Variants in CATSPERB observed in about 807,000 individuals in gnomAD.
The protein encoded by CATSPERB is catsper channel auxiliary subunit beta.
CATSPERB carries 93 observed loss-of-function variants against 128.3 expected under a neutral mutation model. The observed-to-expected ratio is 0.72, with a 90% CI of 0.61 to 0.86. The LOEUF is 0.86. Among genes scored for constraint, CATSPERB ranks in the 40% least tolerant of loss-of-function variants. The pLI, the probability that CATSPERB is intolerant of heterozygous loss-of-function variation, is 0.00. For synonymous variants in CATSPERB, 381 were observed against 448.8 expected (o/e 0.85, Z 1.91); for missense variants, 1,153 against 1,329.5 (o/e 0.87, Z 2.06).
intron 5 of CATSPERB, chr14:91,709,221 A>G (rs1208177578): frequency 6.6e-6 from 1 of 152,190 alleles, no homozygotes; most frequent in African/African-American, 2.4e-5. Context: ...TTTGGGAGAG[A>G]TAATGGCTAC....
chr14:91,590,739 C>T (rs1051121461), intron 23 of CATSPERB, among the ~76,000 whole-genome samples: 1 of 151,834 alleles, frequency 6.6e-6, no homozygotes, highest in African/African-American at 2.4e-5. Context: ...CAAGCTCCAC[C>T]TCCCAGGTTC....
chr14:91,589,321 T>C (rs1001272635), intron 24 of CATSPERB, among the ~76,000 whole-genome samples: 2 of 152,220 alleles, frequency 1.3e-5, no homozygotes, highest in African/African-American at 2.4e-5. Context: ...TATTCAAAAA[T>C]GCTTTTACCC....
At chr14:91,679,667 A>G (rs1383897437) in intron 11 of CATSPERB, among the ~76,000 whole-genome samples, 1 of 152,212 alleles carries the variant, frequency 6.6e-6, no homozygotes, top group Non-Finnish European at 1.5e-5. Context: ...ACAATGACCT[A>G]TCATTCTATT....
At chr14:91,685,313 TAA>T (rs1895354631) in intron 10 of CATSPERB, among the ~76,000 whole-genome samples, 1 of 152,200 alleles carries the variant, frequency 6.6e-6, no homozygotes, top group Admixed American at 6.5e-5. Context: ...ACCTCATTTC[TAA>T]GAGGTAGATA....
chr14:91,626,822 C>A (rs1410610565), intron 17 of CATSPERB, among the ~76,000 whole-genome samples: 6 of 152,162 alleles, frequency 3.9e-5, no homozygotes, highest in Non-Finnish European at 1.5e-5. Flanking sequence ...GAAGATACAC[C>A]TAACAAAATT....
At chr14:91,689,030 G>A (rs1245302783) in intron 10 of CATSPERB, among the ~76,000 whole-genome samples, 2 of 152,146 alleles carry the variant, frequency 1.3e-5, no homozygotes, top group African/African-American at 4.8e-5. Context: ...TTGACAATTG[G>A]AATAATAGAT....
intron 19 of CATSPERB, among the ~76,000 whole-genome samples, chr14:91,621,353 C>T (rs1285634): frequency 0.91 from 139,155 of 152,268 alleles, 63,617 homozygotes; most frequent in East Asian, 0.97. Flanking sequence ...TGATCCAAGA[C>T]TGTGCCACTG....
chr14:91,654,588 A>G (rs1743106), intron 15 of CATSPERB, among the ~76,000 whole-genome samples: 30,673 of 152,068 alleles, frequency 0.2, 3,276 homozygotes, highest in African/African-American at 0.25. Context: ...CTTAGCCGCA[A>G]TAGAATAGAA....
At chr14:91,681,857 T>C (rs1895286899) in intron 11 of CATSPERB, among the ~76,000 whole-genome samples, 1 of 152,226 alleles carries the variant, frequency 6.6e-6, no homozygotes, top group African/African-American at 2.4e-5. Flanking sequence ...TGAAGGCTCA[T>C]CCTCAACCTG....
At chr14:91,702,285 C>G (rs1361922610) in intron 7 of CATSPERB, among the ~76,000 whole-genome samples, 1 of 151,792 alleles carries the variant, frequency 6.6e-6, no homozygotes, top group East Asian at 2.0e-4. Context: ...AAGTTTCTAT[C>G]TGGATTGACA....
chr14:91,654,434 C>A (rs976190111), intron 15 of CATSPERB, among the ~76,000 whole-genome samples: 1 of 152,176 alleles, frequency 6.6e-6, no homozygotes, highest in African/African-American at 2.4e-5. Flanking sequence ...CTGAAGAGCC[C>A]TTGGACCTTG....
At chr14:91,715,156 G>A (rs981060347) in intron 5 of CATSPERB, 4 of 151,912 alleles carry the variant, frequency 2.6e-5, no homozygotes, top group Non-Finnish European at 5.9e-5. Flanking sequence ...TTATGTGCAA[G>A]TTCTCTAAGC....
chr14:91,713,989 T>A (rs1387055701), intron 5 of CATSPERB, among the ~76,000 whole-genome samples: 1 of 152,140 alleles, frequency 6.6e-6, no homozygotes, highest in East Asian at 1.9e-4. Context: ...ATTCCAAGAC[T>A]GGTTCAAAAT....
intron 14 of CATSPERB, 131 bp from the exon 15 acceptor site, chr14:91,660,112 T>TCA (rs1393045219): frequency 2.0e-4 from 119 of 582,288 alleles, no homozygotes; most frequent in South Asian, 3.5e-4. Context: ...TCTCTCTCTC[T>TCA]CTCTCACACA....
chr14:91,637,383 A>G (rs1370293726), intron 16 of CATSPERB, among the ~76,000 whole-genome samples: 1 of 152,170 alleles, frequency 6.6e-6, no homozygotes, highest in Non-Finnish European at 1.5e-5. Context: ...ATGCCAGGAA[A>G]ATCAATGTGG....
chr14:91,582,544 C>T (rs557631760), intron 26 of CATSPERB, among the ~76,000 whole-genome samples: 7 of 152,288 alleles, frequency 4.6e-5, no homozygotes, highest in South Asian at 4.1e-4. Flanking sequence ...TCCTGTTTGG[C>T]GTGCTTTCCT....
intron 18 of CATSPERB, among the ~76,000 whole-genome samples, chr14:91,622,349 T>C (rs146705267): frequency 1.6e-4 from 25 of 152,252 alleles, no homozygotes; most frequent in African/African-American, 5.3e-4. Context: ...TCAATAAATA[T>C]TTGTTGAATG....
chr14:91,693,183 G>A lies in CATSPERB; in HGVS notation c.774C>T (p.Thr258=), dbSNP rs781434097. 9.3e-6 allele frequency: 15 copies of A among 1,613,836 alleles called. No individual in the cohort carries two copies. In the South Asian group the frequency reaches 1.5e-4, roughly 17 times the overall value. Residue 258 remains threonine, a synonymous_variant, in exon 9 of 27, where the codon ACC becomes ACT. Coordinates refer to ENST00000256343, the MANE Select transcript of CATSPERB (RefSeq NM_024764.4). ...VLTNHFLVIL[T]SLGLFVSEDL... ...CTTCACTTACAAAAAGGCCCAAAGA[G>A]GTGAGGATAACTAAAAAATGATTCG...
chr14:91,707,575 C>CTTTT (rs539712771), intron 6 of CATSPERB, among the ~76,000 whole-genome samples: 9 of 58,256 alleles, frequency 1.5e-4, no homozygotes, highest in African/African-American at 2.8e-4. Context: ...TATGTACTTC[C>CTTTT]TTTTTTTTTT....
Sources: allele counts gnomAD v4.1 joint callset (sites outside exome capture counted in the v4.1 genomes callset), GRCh38; gene constraint gnomAD v4.1.1; transcripts MANE v1.5; gene names NCBI Gene and HGNC (gene_info 2026-07-23, HGNC 2026-07-21).